Variants in CUX2 observed in about 807,000 individuals in gnomAD.
The protein encoded by CUX2 is cut like homeobox 2.
CUX2 carries 40 observed loss-of-function variants against 144.8 expected under a neutral mutation model. The observed-to-expected ratio is 0.28, with a 90% CI of 0.21 to 0.36. CUX2 has a LOEUF of 0.36. Among genes scored for constraint, CUX2 ranks in the 10% least tolerant of loss-of-function variants. CUX2 has a pLI of 1.00. For missense variants in CUX2, 1,615 were observed against 1,994.0 expected (o/e 0.81, Z 3.62); for synonymous variants, 827 against 875.6 (o/e 0.94, Z 0.98).
chr12:111,295,546 T>G lies in CUX2; in HGVS notation c.637+137T>G. The G allele has an allele frequency of 1.4e-6, 1 of 706,366 alleles. No homozygotes were observed. Among genetic ancestry groups the G allele is most frequent in the South Asian group, 2.1e-5 (1 of 46,950 alleles). The allele number at this position is 706,366 out of a possible 1,614,324, so 43.8% of individuals were successfully genotyped here. ...GGGCAAAATGGGAGTTTGGGAAGAATAATCTTACCCAGTGGGGGGCTGAGC... is the reference window on the plus strand; with the variant it reads ...GGGCAAAATGGGAGTTTGGGAAGAAGAATCTTACCCAGTGGGGGGCTGAGC... On this transcript the variant is annotated intron_variant, in intron 7 of 21. Coordinates refer to ENST00000261726, the MANE Select transcript of CUX2 (RefSeq NM_015267.4). This position sits in a 1 kb window ranked among gnomAD's most constrained non-coding sequence, Gnocchi z 5.0.
intron 9 of CUX2, among the ~76,000 whole-genome samples, chr12:111,302,996 T>C (rs376213495): frequency 1.3e-5 from 2 of 151,376 alleles, no homozygotes; most frequent in South Asian, 4.2e-4. Context: ...CCAAGGCAAG[T>C]GGGTTACTTG....
chr12:111,277,153 G>T lies in CUX2; in HGVS notation c.301+13314G>T, dbSNP rs1043656624. ...TGGTTGCTGGAGTTTGAGGGATGAA[G>T]CCCAGAAACTCACATATGGAGGGCC... On this transcript the variant is annotated intron_variant, in intron 4 of 21. Coordinates refer to ENST00000261726, the MANE Select transcript of CUX2 (RefSeq NM_015267.4). The surrounding 1 kb of genome is among the most constrained non-coding windows in gnomAD (Gnocchi z 5.0). 1.3e-5 allele frequency among the ~76,000 whole-genome samples: 2 copies of T among 152,078 alleles called. No individual in the cohort carries two copies. The highest frequency in any genetic ancestry group is 2.9e-5 in the Non-Finnish European group (2 of 68,020).
chr12:111,317,132 T>G (rs1218407414), intron 16 of CUX2, among the ~76,000 whole-genome samples: 1 of 152,236 alleles, frequency 6.6e-6, no homozygotes. Flanking sequence ...CAATGAAAAT[T>G]ATTTTTAATG....
At chr12:111,106,879 CCTGGGGACAGGGAGAG>C (rs1395771355) in intron 1 of CUX2, among the ~76,000 whole-genome samples, 3 of 152,134 alleles carry the variant, frequency 2.0e-5, no homozygotes, top group African/African-American at 7.2e-5. Context: ...CAGGGGACAA[CCTGGGGACAGGGAGAG>C]GCAAGGATGT....
At chr12:111,215,992 C>G (rs1881506668) in intron 2 of CUX2, among the ~76,000 whole-genome samples, 1 of 152,228 alleles carries the variant, frequency 6.6e-6, no homozygotes, top group Non-Finnish European at 1.5e-5. Context: ...CTTTTTGGAG[C>G]CAGTCTCTCC....
chr12:111,338,176 G>T (rs916623744), intron 19 of CUX2, 110 bp from the exon 20 acceptor site: 4 of 1,188,684 alleles, frequency 3.4e-6, no homozygotes, highest in Non-Finnish European at 3.5e-6. Context: ...AGTCAGTGGA[G>T]ATAGCCTCGA....
intron 1 of CUX2, among the ~76,000 whole-genome samples, chr12:111,122,197 A>G (rs1874735639): frequency 6.6e-6 from 1 of 152,170 alleles, no homozygotes; most frequent in African/African-American, 2.4e-5. Context: ...TTCTCAACTC[A>G]TATTCCATTT....
chr12:111,210,054 C>T (rs936589481), intron 1 of CUX2, among the ~76,000 whole-genome samples: 5 of 152,072 alleles, frequency 3.3e-5, no homozygotes, highest in African/African-American at 1.2e-4. Flanking sequence ...GGCTGGGGGG[C>T]TGGTGGGGCC....
intron 3 of CUX2, among the ~76,000 whole-genome samples, chr12:111,232,212 A>AATAT (rs10534011): frequency 5.4e-5 from 8 of 148,550 alleles, no homozygotes; most frequent in African/African-American, 1.8e-4. Context: ...CTGAAAAAAA[A>AATAT]ATATATATAT....
chr12:111,154,006 A>G (rs963199705), intron 1 of CUX2, among the ~76,000 whole-genome samples: 1 of 152,118 alleles, frequency 6.6e-6, no homozygotes, highest in Non-Finnish European at 1.5e-5. Flanking sequence ...AAAGACACCA[A>G]CGATACTGGA....
chr12:111,225,434 G>T (rs948925815), intron 3 of CUX2, among the ~76,000 whole-genome samples: 2 of 152,222 alleles, frequency 1.3e-5, no homozygotes, highest in African/African-American at 4.8e-5. Flanking sequence ...ATCACTTAGC[G>T]GGATGCCTGT....
intron 18 of CUX2, among the ~76,000 whole-genome samples, chr12:111,325,675 G>C (rs1344044095): frequency 1.8e-5 from 1 of 55,258 alleles, no homozygotes; most frequent in Non-Finnish European, 3.4e-5. Flanking sequence ...GGAGGGGTGG[G>C]TTTTGTTTAT....
rs1863737821 is a variant in CUX2 at position 111,348,466 on chromosome 12, G to A, written c.*141G>A. ...CAATGTTATGCCGTTTACGTTTTTTGTTGTAATCCTAGTTCTATGAAGCTG... is the reference window on the plus strand; with the variant it reads ...CAATGTTATGCCGTTTACGTTTTTTATTGTAATCCTAGTTCTATGAAGCTG... On this transcript the variant is annotated 3_prime_UTR_variant, in exon 22 of 22. Coordinates refer to ENST00000261726, the MANE Select transcript of CUX2 (RefSeq NM_015267.4). 7 of 823,826 alleles carry A rather than the reference G, an allele frequency of 8.5e-6. No individual in the cohort carries two copies. Among genetic ancestry groups the A allele is most frequent in the Non-Finnish European group, 1.3e-5 (7 of 537,416 alleles). The allele number at this position is 823,826 out of a possible 1,614,324, so 51.0% of individuals were successfully genotyped here. A position where few individuals can be genotyped will look rare whatever the true frequency, so the allele number is the denominator to read the frequency against.
At chr12:111,179,762 C>T (rs762427506) in intron 1 of CUX2, among the ~76,000 whole-genome samples, 47 of 152,126 alleles carry the variant, frequency 3.1e-4, no homozygotes, top group Non-Finnish European at 1.6e-4. Flanking sequence ...CTGCAACCTC[C>T]ACCTCTCGGG....
At chr12:111,210,674 A>G (rs1450060243) in intron 1 of CUX2, among the ~76,000 whole-genome samples, 3 of 152,078 alleles carry the variant, frequency 2.0e-5, no homozygotes, top group Non-Finnish European at 2.9e-5. Flanking sequence ...GCACATGCCT[A>G]TAGTCACAGC....
chr12:111,048,338 C>T (rs757439480), intron 1 of CUX2, among the ~76,000 whole-genome samples: 9 of 152,202 alleles, frequency 5.9e-5, no homozygotes, highest in Admixed American at 3.9e-4. Flanking sequence ...AGGAGTTCTT[C>T]GTGGCAGGAA....
At chr12:111,111,109 G>A (rs1210379601) in intron 1 of CUX2, among the ~76,000 whole-genome samples, 3 of 152,026 alleles carry the variant, frequency 2.0e-5, no homozygotes, top group Non-Finnish European at 2.9e-5. Context: ...CGAGACCACC[G>A]TGGCCAACAT....
chr12:111,078,309 C>T (rs983967819), intron 1 of CUX2, among the ~76,000 whole-genome samples: 3 of 152,124 alleles, frequency 2.0e-5, no homozygotes, highest in African/African-American at 7.2e-5. Flanking sequence ...ATCACTAAGG[C>T]ATGCTGAGCA....
chr12:111,188,962 C>T (rs1282329043), intron 1 of CUX2, among the ~76,000 whole-genome samples: 1 of 152,170 alleles, frequency 6.6e-6, no homozygotes, highest in Non-Finnish European at 1.5e-5. Flanking sequence ...CTGATCCTCC[C>T]TCCCTTTACC....
Sources: allele counts gnomAD v4.1 joint callset (sites outside exome capture counted in the v4.1 genomes callset), GRCh38; gene constraint gnomAD v4.1.1; non-coding constraint Gnocchi (gnomAD v3.1); transcripts MANE v1.5; gene names NCBI Gene and HGNC (gene_info 2026-07-23, HGNC 2026-07-21).